The following KCNJ4 variants were observed in gnomAD, a reference collection of about 807,000 sequenced individuals.
The protein encoded by KCNJ4 is potassium inwardly rectifying channel subfamily J member 4.
KCNJ4 carries 3 observed loss-of-function variants against 25.6 expected under a neutral mutation model. The observed-to-expected ratio is 0.12, with a 90% CI of 0.05 to 0.30. The LOEUF (loss-of-function observed/expected upper bound fraction) is 0.30. Among genes scored for constraint, KCNJ4 ranks in the 10% least tolerant of loss-of-function variants. The probability of loss-of-function intolerance (pLI) is 1.00; values close to 1 mark genes in which losing one functional copy is unlikely to be tolerated. For synonymous variants in KCNJ4, 257 were observed against 283.9 expected, an observed-to-expected ratio of 0.91 and a Z score of 0.95; for missense variants, 286 against 666.8, an observed-to-expected ratio of 0.43 and a Z score of 6.29.
chr22:38,439,867 G>A, intron 1 of KCNJ4, among the ~76,000 whole-genome samples: 1 of 147,396 alleles, frequency 6.8e-6, no homozygotes, highest in South Asian at 2.2e-4. Context: ...AAGGCAGGCA[G>A]ATCACGAGGT....
rs1245670681 is a variant in KCNJ4 at position 38,426,998 on chromosome 22, G to A, written c.1135C>T (p.Leu379Phe). The A allele has an allele frequency of 3.1e-6, 5 of 1,612,756 alleles. No individual in the cohort carries two copies. ...ATCTCCTCTTCCTCCTGGCTCATAA[G>A]GGCCAGCTCGTTCTCGTAGCAGAAG... is the stretch of plus-strand genomic sequence containing the variant. ...SAFCYENELA[L>F]MSQEEEEMEE... Residue 379 changes from leucine (L) to phenylalanine (F), a missense_variant, in exon 2 of 2, where the codon CTT becomes TTT. This residue lies in a region of KCNJ4 where 77 missense variants were observed against 97.6 expected (regional missense o/e 0.79). Coordinates refer to ENST00000303592, the MANE Select transcript of KCNJ4 (RefSeq NM_152868.3).
intron 1 of KCNJ4, among the ~76,000 whole-genome samples, chr22:38,441,140 A>T (rs536213503): frequency 6.6e-6 from 1 of 152,140 alleles, no homozygotes; most frequent in East Asian, 1.9e-4. Context: ...TAGGGGAGGG[A>T]GGCCAGCTCA....
chr22:38,433,724 G>A (rs1020229589), intron 1 of KCNJ4, among the ~76,000 whole-genome samples: 22 of 152,192 alleles, frequency 1.4e-4, no homozygotes, highest in African/African-American at 5.1e-4. Context: ...ATGGCACCGT[G>A]TCCGAGGTGG....
intron 1 of KCNJ4, among the ~76,000 whole-genome samples, chr22:38,432,497 G>A (rs2093053292): frequency 1.3e-5 from 2 of 152,056 alleles, no homozygotes; most frequent in Non-Finnish European, 2.9e-5. Flanking sequence ...ATGTGACCTT[G>A]AACAAGTTCT....
rs1357435956 is a variant in KCNJ4 at position 38,426,824 on chromosome 22, T to C, written c.1309A>G (p.Ile437Val). The C allele has an allele frequency of 2.5e-6, 4 of 1,612,654 alleles. No homozygotes were observed. The highest frequency in any genetic ancestry group is 3.4e-6 in the Non-Finnish European group (4 of 1,179,542). Residue 437 changes from isoleucine to valine, a missense_variant, in exon 2 of 2, where the codon ATC becomes GTC. This residue lies in a region of KCNJ4 where 77 missense variants were observed against 97.6 expected (regional missense o/e 0.79). Coordinates refer to ENST00000303592, the MANE Select transcript of KCNJ4 (RefSeq NM_152868.3). ...RMQASLPLDN[I>V]SYRRESAI ...ATGGCAGACTCCCTGCGGTAGGAGATGTTGTCCAGCGGGAGGGAAGCCTGC... is the reference window on the plus strand; with the variant it reads ...ATGGCAGACTCCCTGCGGTAGGAGACGTTGTCCAGCGGGAGGGAAGCCTGC...
chr22:38,443,984 G>A lies in KCNJ4; in HGVS notation c.-40+10996C>T, dbSNP rs1007996248. Among the ~76,000 whole-genome samples, 49 of 151,998 alleles carry A rather than the reference G, an allele frequency of 3.2e-4. No homozygotes were observed. The highest frequency in any genetic ancestry group is 1.1e-3 in the African/African-American group (45 of 41,350). ...CCTTTAACGCACCAAGTTTATTCCT[G>A]TCTCTGGGCCTTTGCACTGGCTGTT... On this transcript the variant is annotated intron_variant, in intron 1 of 1. Coordinates refer to ENST00000303592, the MANE Select transcript of KCNJ4 (RefSeq NM_152868.3). This position sits in a 1 kb window ranked among gnomAD's most constrained non-coding sequence, Gnocchi z 4.1.
Position 38,428,189 on chromosome 22 carries a change from G to A in KCNJ4, c.-39-18C>T, listed in dbSNP as rs866036474. On this transcript the variant is annotated intron_variant, in intron 1 of 1. Transcript: ENST00000303592. ...CGCAGGGCCTGCGGAGGAGAAGCCG[G>A]ACAGGTGAGATGCTGGGGAGCGAGG... 1 of 1,556,162 alleles carries A rather than the reference G, an allele frequency of 6.4e-7. No homozygotes were observed.
Position 38,426,411 on chromosome 22 carries a change from AC to A in KCNJ4, c.*383del, listed in dbSNP as rs61369346. ...GGCCACAGTCATGCAAAAGAAACGC[AC>A]CCCCCCCTCCCCAAACTAACCCCCT... On this transcript the variant is annotated 3_prime_UTR_variant, in exon 2 of 2. Transcript: ENST00000303592. 0.64 allele frequency: 90,995 copies of A among 141,120 alleles called. 30,704 individuals carry two copies. Among genetic ancestry groups the A allele is most frequent in the East Asian group, 0.92 (4,178 of 4,566 alleles). 8.7% of individuals were successfully genotyped at this position (141,120 alleles called of 1,614,324 possible). A position where few individuals can be genotyped will look rare whatever the true frequency, so the allele number is the denominator to read the frequency against.
Position 38,442,739 on chromosome 22 carries a change from C to G in KCNJ4, c.-40+12241G>C, listed in dbSNP as rs185098738. Among the ~76,000 whole-genome samples the G allele has an allele frequency of 1.5e-3, 225 of 152,102 alleles. 1 individual carries two copies. Among genetic ancestry groups the G allele is most frequent in the Non-Finnish European group, 2.5e-3 (173 of 67,988 alleles). ...GTTTGTAAACTGTAAAGTGCAGAAG[C>G]CTTTCTTTCTTTTTTTATTTTTTGA... is the stretch of plus-strand genomic sequence containing the variant. On this transcript the variant is annotated intron_variant, in intron 1 of 1. Coordinates refer to ENST00000303592, the MANE Select transcript of KCNJ4 (RefSeq NM_152868.3).
rs753894268 is a variant in KCNJ4, at chr22:38,443,430, G to A, written c.-40+11550C>T. 1.5e-4 allele frequency among the ~76,000 whole-genome samples: 23 copies of A among 152,060 alleles called. No homozygotes were observed. The highest frequency in any genetic ancestry group is 2.5e-4 in the Non-Finnish European group (17 of 68,002). ...GACAGTGAAGAGGCATCGCGAACCC[G>A]GCACTGCCAAGCCCAAGCCATGCCC... On this transcript the variant is annotated intron_variant, in intron 1 of 1. Transcript: ENST00000303592. The surrounding 1 kb of genome is among the most constrained non-coding windows in gnomAD (Gnocchi z 4.1).
rs1408499602 is a variant in KCNJ4, at chr22:38,451,967, G to A, written c.-40+3013C>T. On this transcript the variant is annotated intron_variant, in intron 1 of 1. Transcript: ENST00000303592. Reference sequence around the variant, plus strand: ...CCTGCCCAGCATGCTGGATCCACGGGCCCCTGAGTGTCTATGGTTTCAGAG... The same window carrying A: ...CCTGCCCAGCATGCTGGATCCACGGACCCCTGAGTGTCTATGGTTTCAGAG... Among the ~76,000 whole-genome samples, 3 of 152,206 alleles carry A rather than the reference G, an allele frequency of 2.0e-5. No homozygotes were observed. In the East Asian group the frequency reaches 5.8e-4, roughly 29 times the overall value.
intron 1 of KCNJ4, among the ~76,000 whole-genome samples, chr22:38,448,337 A>T (rs1328894175): frequency 6.6e-6 from 1 of 151,844 alleles, no homozygotes; most frequent in Non-Finnish European, 1.5e-5. Context: ...AAACAGGAAA[A>T]GGCTGAGCAC....
At chr22:38,448,685 C>A (rs1037688203) in intron 1 of KCNJ4, among the ~76,000 whole-genome samples, 2 of 152,204 alleles carry the variant, frequency 1.3e-5, no homozygotes, top group Non-Finnish European at 2.9e-5. Flanking sequence ...GGAGCAGCTC[C>A]GGGTTGAGAG....
rs911915424 is a variant in KCNJ4, at chr22:38,449,431, C to A, written c.-40+5549G>T. Among the ~76,000 whole-genome samples the A allele has an allele frequency of 2.6e-5, 4 of 152,176 alleles. No homozygotes were observed. Among genetic ancestry groups the A allele is most frequent in the Admixed American group, 2.6e-4 (4 of 15,290 alleles). On this transcript the variant is annotated intron_variant, in intron 1 of 1. Transcript: ENST00000303592. The surrounding 1 kb of genome is among the most constrained non-coding windows in gnomAD (Gnocchi z 5.2). Reference sequence around the variant, plus strand: ...ATATGAAGCCCAGCGCTGAGCCTGGCACTCAGCTTCCCTCCTGCAGCAATA... The same window carrying A: ...ATATGAAGCCCAGCGCTGAGCCTGGAACTCAGCTTCCCTCCTGCAGCAATA...
At chr22:38,433,151 T>C (rs1340421564) in intron 1 of KCNJ4, among the ~76,000 whole-genome samples, 1 of 152,072 alleles carries the variant, frequency 6.6e-6, no homozygotes, top group Non-Finnish European at 1.5e-5. Flanking sequence ...TTTTAATTTT[T>C]AAAAATTTAT....
intron 1 of KCNJ4, among the ~76,000 whole-genome samples, chr22:38,452,129 T>G (rs951988319): frequency 1.3e-5 from 2 of 152,130 alleles, no homozygotes; most frequent in African/African-American, 4.8e-5. Context: ...AGAGGGTGAT[T>G]TGAAATCCAG....
intron 1 of KCNJ4, among the ~76,000 whole-genome samples, chr22:38,452,938 A>G (rs1484602573): frequency 7.9e-6 from 1 of 126,462 alleles, no homozygotes; most frequent in East Asian, 2.5e-4. Context: ...CCTGGTTACC[A>G]TGTTGCCGGT....
At chr22:38,432,598 G>A (rs1360433874) in intron 1 of KCNJ4, among the ~76,000 whole-genome samples, 1 of 152,120 alleles carries the variant, frequency 6.6e-6, no homozygotes, top group Non-Finnish European at 1.5e-5. Flanking sequence ...CATAGAACCA[G>A]AGGGATTGGT....
At chr22:38,454,843 G>A (rs2089430870) in intron 1 of KCNJ4, 137 bp downstream of exon 1, 1 of 151,820 alleles carries the variant, frequency 6.6e-6, no homozygotes. Context: ...CCGCGCGCGC[G>A]GCGCCGGGCA....
Sources: gnomAD v4.1 joint callset for allele counts (sites outside exome capture counted in the v4.1 genomes callset) on GRCh38, gnomAD v4.1.1 for gene constraint, gnomAD v4.1.1 regional missense constraint, Gnocchi (gnomAD v3.1) non-coding constraint, MANE v1.5 for transcripts, NCBI Gene and HGNC (gene_info 2026-07-23, HGNC 2026-07-21) for gene names.